Variants in TLN2 observed in about 807,000 individuals in gnomAD.
TLN2 encodes talin-2.
Under a neutral mutation model 294.7 loss-of-function variants are expected in TLN2, and 118 were observed. The ratio of observed to expected loss-of-function variants is 0.40; its 90% confidence interval spans 0.34 to 0.47. The LOEUF (loss-of-function observed/expected upper bound fraction) is 0.47, where lower values mean the gene tolerates loss of function less well. TLN2 is among the 20% of genes least tolerant of loss of function. The pLI is 0.84. For synonymous variants in TLN2, 1,431 were observed against 1,304.5 expected (o/e 1.10, Z -2.09); for missense variants, 3,083 against 3,282.2 (o/e 0.94, Z 1.48).
intron 52 of TLN2, among the ~76,000 whole-genome samples, chr15:62,810,679 A>G (rs778517474): frequency 2.6e-5 from 4 of 152,160 alleles, no homozygotes; most frequent in South Asian, 4.1e-4. Context: ...GTGACTCGCT[A>G]CAAACCCTAA....
At chr15:62,440,546 G>A (rs751975787) in intron 1 of TLN2, among the ~76,000 whole-genome samples, 17 of 152,154 alleles carry the variant, frequency 1.1e-4, no homozygotes, top group Non-Finnish European at 1.8e-4. Flanking sequence ...TGTGCCAAAC[G>A]TCAGGGAGGA....
intron 1 of TLN2, among the ~76,000 whole-genome samples, chr15:62,575,766 A>G (rs1440171294): frequency 6.6e-6 from 1 of 152,328 alleles, no homozygotes; most frequent in East Asian, 1.9e-4. Context: ...TGTTCAAGCT[A>G]TAGTTTAATT....
chr15:62,694,781 G>A (rs1486652560), intron 14 of TLN2, among the ~76,000 whole-genome samples: 1 of 152,182 alleles, frequency 6.6e-6, no homozygotes, highest in Non-Finnish European at 1.5e-5. Context: ...AGGGAGTGCA[G>A]CCAGTGGCGG....
chr15:62,541,595 G>GGT (rs143474060), intron 1 of TLN2, among the ~76,000 whole-genome samples: 12 of 151,472 alleles, frequency 7.9e-5, no homozygotes, highest in South Asian at 2.1e-4. Context: ...TTTGCTCAGG[G>GGT]GTGTGTGTGT....
intron 1 of TLN2, among the ~76,000 whole-genome samples, chr15:62,462,417 T>C (rs2036858817): frequency 6.6e-6 from 1 of 152,228 alleles, no homozygotes; most frequent in Middle Eastern, 3.2e-3. Context: ...GCCCGTGGGC[T>C]GTCCACTTGA....
At chr15:62,686,523 G>A in intron 11 of TLN2, 118 bp from the exon 12 acceptor site, 7 of 1,238,726 alleles carry the variant, frequency 5.7e-6, no homozygotes, top group Non-Finnish European at 7.6e-6. Flanking sequence ...TTTCCCTATA[G>A]CCCTACCTGT....
At chr15:62,444,309 A>G (rs1395221546) in intron 1 of TLN2, among the ~76,000 whole-genome samples, 1 of 152,236 alleles carries the variant, frequency 6.6e-6, no homozygotes. Context: ...GACAAATCCC[A>G]TGTGGACCAT....
intron 22 of TLN2, among the ~76,000 whole-genome samples, chr15:62,714,007 T>C (rs1482241831): frequency 6.6e-6 from 1 of 150,854 alleles, no homozygotes; most frequent in Non-Finnish European, 1.5e-5. Context: ...TTACCCCACC[T>C]CTCTCAGTCT....
chr15:62,476,680 T>G (rs2037799897), intron 1 of TLN2, among the ~76,000 whole-genome samples: 1 of 152,248 alleles, frequency 6.6e-6, no homozygotes, highest in Admixed American at 6.5e-5. Context: ...TTCTCTTCTT[T>G]GGCAGTTAGG....
intron 1 of TLN2, among the ~76,000 whole-genome samples, chr15:62,494,068 G>A (rs1020680732): frequency 2.0e-5 from 3 of 152,126 alleles, no homozygotes; most frequent in African/African-American, 7.2e-5. Flanking sequence ...CAACTGGGAG[G>A]AAGCCATGCA....
chr15:62,423,389 A>AAACAAAACAACAAC (rs2034525307), intron 1 of TLN2, among the ~76,000 whole-genome samples: 2 of 151,962 alleles, frequency 1.3e-5, no homozygotes, highest in East Asian at 3.9e-4. Context: ...AAACAAAACA[A>AAACAAAACAACAAC]AACAACAACA....
At chr15:62,561,175 A>G (rs2042927428) in intron 1 of TLN2, among the ~76,000 whole-genome samples, 1 of 152,120 alleles carries the variant, frequency 6.6e-6, no homozygotes, top group African/African-American at 2.4e-5. Context: ...TAGGACTTGC[A>G]CCTAATCAAG....
chr15:62,800,698 G>C lies in TLN2; in HGVS notation c.6406G>C (p.Val2136Leu), dbSNP rs1245819165. The change falls in exon 50 of 59, where the codon GTG (valine) becomes CTG (leucine). Residue 2136 changes from valine (V) to leucine (L), a missense_variant. Coordinates refer to ENST00000636159, the MANE Select transcript of TLN2 (RefSeq NM_015059.3). ...VTSLLKTVKA[V>L]EDEATRGTRA... Reference sequence around the variant, plus strand: ...CTCGCTCCTCAAGACTGTAAAGGCAGTGGAGGATGAGGCCACCCGGGGCAC... The same window carrying C: ...CTCGCTCCTCAAGACTGTAAAGGCACTGGAGGATGAGGCCACCCGGGGCAC... 22 of 1,614,070 alleles carry C rather than the reference G, an allele frequency of 1.4e-5. No individual in the cohort carries two copies. Among genetic ancestry groups the C allele is most frequent in the Non-Finnish European group, 1.6e-5 (19 of 1,180,026 alleles).
intron 1 of TLN2, among the ~76,000 whole-genome samples, chr15:62,501,529 G>A (rs775850689): frequency 2.0e-5 from 3 of 152,148 alleles, no homozygotes; most frequent in Non-Finnish European, 4.4e-5. Context: ...CCGGGAAAAC[G>A]TTAATTCCTG....
Position 62,460,880 on chromosome 15 carries a change from C to G in TLN2, c.-238+70195C>G, listed in dbSNP as rs113999737. Among the ~76,000 whole-genome samples the G allele has an allele frequency of 6.6e-3, 1,002 of 152,232 alleles. 9 individuals are homozygous for G. The highest frequency in any genetic ancestry group is 0.023 in the African/African-American group (960 of 41,522). ...TTTCAGAAGCCCCCTGATACCCCTG[C>G]TGGTGCACCGCCTTCCCACAGTCAT... On this transcript the variant is annotated intron_variant, in intron 1 of 58. Transcript: ENST00000636159.
chr15:62,701,158 A>G lies in TLN2; in HGVS notation c.1640A>G (p.His547Arg). 6.2e-7 allele frequency: 1 copy of G among 1,614,150 alleles called. No homozygotes were observed. The highest frequency in any genetic ancestry group is 8.5e-7 in the Non-Finnish European group (1 of 1,180,034). ...GTCGACGAATCCAAACACGAAATCCATTCTCAAGTTGATGCTATCACGGCC... is the reference window on the plus strand; with the variant it reads ...GTCGACGAATCCAAACACGAAATCCGTTCTCAAGTTGATGCTATCACGGCC... Reference protein sequence around the residue: ...NKVDESKHEIHSQVDAITAGT... With the variant: ...NKVDESKHEIRSQVDAITAGT... The change falls in exon 17 of 59, where the codon CAT becomes CGT. Residue 547 changes from histidine to arginine, a missense_variant. By Grantham distance (29) the His-to-Arg change is conservative. Transcript: ENST00000636159.
rs1309711733 is a variant in TLN2 at position 62,708,789 on chromosome 15, T to G, written c.2460T>G (p.Gly820=). Residue 820 remains glycine, a synonymous_variant, in exon 21 of 59, where the codon GGT becomes GGG. Transcript: ENST00000636159. ...CVTESIFSSM[G]DAGEMVRQAR... ...CCGAGAGCATCTTCAGCTCCATGGG[T>G]GACGCTGGTAAGGCACTGTGCTGTG... is the stretch of plus-strand genomic sequence containing the variant. The G allele has an allele frequency of 1.2e-6, 2 of 1,601,396 alleles. No individual in the cohort carries two copies. The highest frequency in any genetic ancestry group is 3.3e-5 in the Admixed American group (2 of 59,884).
chr15:62,636,156 C>A (rs1409897544), intron 3 of TLN2, among the ~76,000 whole-genome samples: 1 of 152,098 alleles, frequency 6.6e-6, no homozygotes. Context: ...TTAATTCTTA[C>A]ATTCAGAAGG....
chr15:62,828,933 C>G (rs1326452476), intron 54 of TLN2: 1 of 152,028 alleles, frequency 6.6e-6, no homozygotes, highest in East Asian at 1.9e-4. Flanking sequence ...TGTTTGTTTT[C>G]CTGAGTCCAG....
Sources: gnomAD v4.1 joint callset for allele counts (sites outside exome capture counted in the v4.1 genomes callset) on GRCh38, gnomAD v4.1.1 for gene constraint, MANE v1.5 for transcripts, NCBI Gene and HGNC (gene_info 2026-07-23, HGNC 2026-07-21) for gene names.